SPIDR: variants seen among roughly 807,000 people sequenced by gnomAD.
SPIDR encodes the protein scaffold protein involved in DNA repair.
In SPIDR, 93 loss-of-function variants were observed where a neutral mutation model predicts 104.6. The ratio of observed to expected loss-of-function variants is 0.89; its 90% CI spans 0.75 to 1.06. The LOEUF is 1.06. Ranked by LOEUF, SPIDR falls within the 50% of genes least tolerant of loss-of-function variation. The probability of loss-of-function intolerance (pLI) is 0.00; values close to 1 mark genes in which losing one functional copy is unlikely to be tolerated. For missense variants in SPIDR, 1,154 were observed against 1,111.2 expected, an observed-to-expected ratio of 1.04 and a Z score of -0.55; for synonymous variants, 431 against 416.9, an observed-to-expected ratio of 1.03 and a Z score of -0.41.
At position 47,712,721 on chromosome 8, in the gene SPIDR, T is replaced by C; in HGVS notation, c.2037T>C (p.Thr679=). Residue 679 remains threonine (T), a synonymous_variant, in exon 15 of 20, where the codon ACT becomes ACC. Coordinates refer to ENST00000297423, the MANE Select transcript of SPIDR (RefSeq NM_001080394.4). ...REIWLLVTDV[T]LQTKEERDPR... ...TCTGGCTGCTAGTGACCGATGTCAC[T>C]CTGCAAACGAAGGAGGAGAGAGACC... 1 of 1,614,212 alleles carries C rather than the reference T, an allele frequency of 6.2e-7. No individual in the cohort carries two copies.
chr8:47,623,376 A>G (rs1229192167), intron 10 of SPIDR, among the ~76,000 whole-genome samples: 1 of 152,226 alleles, frequency 6.6e-6, no homozygotes, highest in Non-Finnish European at 1.5e-5. Context: ...GATCAAATTC[A>G]CACATAACGA....
chr8:47,324,217 C>A (rs950477037), intron 5 of SPIDR, among the ~76,000 whole-genome samples: 13 of 152,120 alleles, frequency 8.5e-5, no homozygotes, highest in Non-Finnish European at 1.9e-4. Flanking sequence ...TGTCTGAAAT[C>A]ACACAACTAG....
chr8:47,510,932 A>G (rs1210378787), intron 8 of SPIDR: 2 of 581,124 alleles, frequency 3.4e-6, no homozygotes, highest in Non-Finnish European at 6.2e-6. Flanking sequence ...GTCACACTGG[A>G]CTACTGGTGT....
chr8:47,723,049 G>T (rs551934764), intron 16 of SPIDR, among the ~76,000 whole-genome samples: 4 of 151,428 alleles, frequency 2.6e-5, no homozygotes, highest in African/African-American at 9.7e-5. Flanking sequence ...TGTTGTTGTT[G>T]TTGACACAGA....
At chr8:47,386,900 G>T (rs1476815462) in intron 5 of SPIDR, among the ~76,000 whole-genome samples, 119 of 71,872 alleles carry the variant, frequency 1.7e-3, no homozygotes, top group African/African-American at 4.6e-3. Context: ...GAAAGAGAGA[G>T]AGAGATATAG....
intron 5 of SPIDR, among the ~76,000 whole-genome samples, chr8:47,323,107 GAAAA>G (rs79721470): frequency 3.0e-4 from 43 of 142,206 alleles, no homozygotes; most frequent in Non-Finnish European, 5.3e-4. Flanking sequence ...AAGAAGAAGA[GAAAA>G]AAAAAAGAAA....
At chr8:47,294,990 A>G (rs938957677) in intron 5 of SPIDR, among the ~76,000 whole-genome samples, 1 of 151,730 alleles carries the variant, frequency 6.6e-6, no homozygotes, top group Non-Finnish European at 1.5e-5. Context: ...TTTTGCTGTC[A>G]TTGTTTTTTC....
At chr8:47,470,050 T>A (rs760775165) in intron 8 of SPIDR, among the ~76,000 whole-genome samples, 11 of 152,180 alleles carry the variant, frequency 7.2e-5, no homozygotes, top group Non-Finnish European at 1.2e-4. Flanking sequence ...GTAGAAAATC[T>A]ATTCGAATAT....
At chr8:47,679,917 A>G (rs1400035778) in intron 11 of SPIDR, among the ~76,000 whole-genome samples, 2 of 152,226 alleles carry the variant, frequency 1.3e-5, no homozygotes, top group African/African-American at 2.4e-5. Context: ...TGTGGGATGC[A>G]CATTAGGTGT....
At chr8:47,671,391 C>T (rs571081520) in intron 10 of SPIDR, among the ~76,000 whole-genome samples, 2 of 152,104 alleles carry the variant, frequency 1.3e-5, no homozygotes, top group East Asian at 3.9e-4. Flanking sequence ...TCGAGACCAG[C>T]CTGCCCAACA....
chr8:47,400,166 G>A (rs2061688905), intron 6 of SPIDR, among the ~76,000 whole-genome samples: 1 of 152,226 alleles, frequency 6.6e-6, no homozygotes. Flanking sequence ...GAAGAGCAAG[G>A]CCATCCTTCC....
At chr8:47,317,679 T>C (rs973637129) in intron 5 of SPIDR, among the ~76,000 whole-genome samples, 1 of 152,014 alleles carries the variant, frequency 6.6e-6, no homozygotes, top group East Asian at 1.9e-4. Context: ...CCGAGTAGCT[T>C]AACTGGGAGG....
At chr8:47,514,073 C>G (rs1333148614) in intron 8 of SPIDR, among the ~76,000 whole-genome samples, 1 of 152,124 alleles carries the variant, frequency 6.6e-6, no homozygotes, top group Non-Finnish European at 1.5e-5. Flanking sequence ...CCTTTTGTAT[C>G]TGATCAAAAG....
At chr8:47,688,967 G>A (rs2078237672) in intron 11 of SPIDR, among the ~76,000 whole-genome samples, 1 of 152,198 alleles carries the variant, frequency 6.6e-6, no homozygotes, top group South Asian at 2.1e-4. Context: ...GCCTTTTGCT[G>A]TGTATTTCCA....
chr8:47,639,476 ATT>A (rs2068492738), intron 10 of SPIDR, among the ~76,000 whole-genome samples: 1 of 152,150 alleles, frequency 6.6e-6, no homozygotes. Context: ...TTTGTTCATG[ATT>A]TTGTTTTTGA....
At chr8:47,404,495 A>G (rs1250267230) in intron 6 of SPIDR, among the ~76,000 whole-genome samples, 2 of 152,222 alleles carry the variant, frequency 1.3e-5, no homozygotes, top group African/African-American at 2.4e-5. Flanking sequence ...AACTTAAACA[A>G]ATTTACAAGA....
intron 8 of SPIDR, among the ~76,000 whole-genome samples, chr8:47,506,156 C>A (rs1167470676): frequency 6.6e-6 from 1 of 152,186 alleles, no homozygotes; most frequent in Non-Finnish European, 1.5e-5. Context: ...GCTTTCTAAG[C>A]AGAACATGTT....
chr8:47,552,292 A>G (rs1023910096), intron 8 of SPIDR, among the ~76,000 whole-genome samples: 1 of 152,138 alleles, frequency 6.6e-6, no homozygotes, highest in South Asian at 2.1e-4. Flanking sequence ...TAGGTCTGCT[A>G]GGTGCAGAGC....
At chr8:47,297,000 G>A (rs2040967397) in intron 5 of SPIDR, among the ~76,000 whole-genome samples, 1 of 152,060 alleles carries the variant, frequency 6.6e-6, no homozygotes, top group Non-Finnish European at 1.5e-5. Flanking sequence ...TACTGTAAAC[G>A]GGATTGAGTT....
Sources: gnomAD v4.1 joint callset for allele counts (sites outside exome capture counted in the v4.1 genomes callset) on GRCh38, gnomAD v4.1.1 for gene constraint, MANE v1.5 for transcripts, NCBI Gene and HGNC (gene_info 2026-07-23, HGNC 2026-07-21) for gene names.